Variants in DCLK2 observed in about 807,000 individuals in gnomAD.
DCLK2 encodes the protein serine/threonine-protein kinase DCLK2.
In DCLK2, 31 loss-of-function variants were observed where a neutral mutation model predicts 78.4. The ratio of observed to expected loss-of-function variants is 0.40; its 90% CI spans 0.30 to 0.53. DCLK2 has a LOEUF of 0.53. Among genes scored for constraint, DCLK2 ranks in the 20% least tolerant of loss-of-function variants. The pLI, the probability that DCLK2 is intolerant of heterozygous loss-of-function variation, is 0.61. For synonymous variants in DCLK2, 407 were observed against 374.9 expected (o/e 1.09, Z -0.99); for missense variants, 872 against 973.7 (o/e 0.90, Z 1.39).
At chr4:150,220,938 G>T (rs971724739) in intron 6 of DCLK2, among the ~76,000 whole-genome samples, 160 bp downstream of exon 6, 3 of 152,300 alleles carry the variant, frequency 2.0e-5, no homozygotes, top group African/African-American at 7.2e-5. Flanking sequence ...GGGGATGGGG[G>T]TTACTTCAAG....
At chr4:150,122,312 T>A (rs761172136) in intron 2 of DCLK2, among the ~76,000 whole-genome samples, 13 of 152,230 alleles carry the variant, frequency 8.5e-5, no homozygotes, top group Non-Finnish European at 1.8e-4. Context: ...CACACCTATG[T>A]TTATTGCAGC....
chr4:150,148,690 A>G (rs1288652534), intron 2 of DCLK2, among the ~76,000 whole-genome samples: 2 of 152,038 alleles, frequency 1.3e-5, no homozygotes, highest in Non-Finnish European at 2.9e-5. Flanking sequence ...CCTATCTTGT[A>G]TGACCTACAT....
chr4:150,151,936 AT>A (rs924985802), intron 2 of DCLK2, among the ~76,000 whole-genome samples: 1 of 149,868 alleles, frequency 6.7e-6, no homozygotes, highest in African/African-American at 2.5e-5. Context: ...AAAAAAAAAA[AT>A]AATAATAATT....
chr4:150,187,367 G>A (rs1348033132), intron 2 of DCLK2, among the ~76,000 whole-genome samples: 1 of 152,136 alleles, frequency 6.6e-6, no homozygotes, highest in Non-Finnish European at 1.5e-5. Context: ...CTGGTAGACT[G>A]TGTTCTTTAA....
At chr4:150,216,817 G>C (rs968950101) in intron 5 of DCLK2, among the ~76,000 whole-genome samples, 7 of 152,066 alleles carry the variant, frequency 4.6e-5, no homozygotes, top group Non-Finnish European at 1.0e-4. Flanking sequence ...CCTTGGCCAA[G>C]CAGAATCAGG....
intron 15 of DCLK2, among the ~76,000 whole-genome samples, chr4:150,250,626 C>A (rs1743708342): frequency 1.3e-5 from 2 of 151,758 alleles, no homozygotes; most frequent in Non-Finnish European, 2.9e-5. Flanking sequence ...ACATCTGGGC[C>A]CCCCGTGACC....
chr4:150,185,128 A>T (rs1261956583), intron 2 of DCLK2, among the ~76,000 whole-genome samples: 1 of 152,218 alleles, frequency 6.6e-6, no homozygotes. Context: ...ACGGTTCAGC[A>T]TGGCTGGGGA....
intron 1 of DCLK2, among the ~76,000 whole-genome samples, chr4:150,102,255 A>G (rs1471851731): frequency 6.6e-6 from 1 of 152,202 alleles, no homozygotes; most frequent in Non-Finnish European, 1.5e-5. Flanking sequence ...TATTTGGTCC[A>G]GTGCTTCTCA....
intron 4 of DCLK2, chr4:150,199,222 T>C: frequency 1.3e-6 from 1 of 743,280 alleles, no homozygotes; most frequent in Non-Finnish European, 2.3e-6. Context: ...ATGCTTTGCA[T>C]TGCACAAGAC....
At chr4:150,203,768 C>G (rs749973248) in intron 4 of DCLK2, 27 bp from the exon 5 acceptor site, 2 of 1,580,674 alleles carry the variant, frequency 1.3e-6, no homozygotes, top group Non-Finnish European at 8.7e-7. Flanking sequence ...AATGGGACTT[C>G]TGTCTTCTTT....
chr4:150,233,370 G>A (rs751810721), intron 10 of DCLK2, among the ~76,000 whole-genome samples: 13 of 152,160 alleles, frequency 8.5e-5, no homozygotes, highest in Admixed American at 4.6e-4. Context: ...TTTGGGTGGG[G>A]ACACAGAGCC....
intron 2 of DCLK2, among the ~76,000 whole-genome samples, chr4:150,190,923 C>G (rs368105893): frequency 1.2e-4 from 19 of 152,106 alleles, no homozygotes; most frequent in African/African-American, 4.3e-4. Context: ...GAGACCCCAT[C>G]TCTACCTACT....
intron 2 of DCLK2, among the ~76,000 whole-genome samples, chr4:150,149,963 C>A (rs1428090868): frequency 6.6e-6 from 1 of 152,098 alleles, no homozygotes; most frequent in Non-Finnish European, 1.5e-5. Context: ...AAATGAATGT[C>A]TTTTTGCTTT....
chr4:150,127,409 C>T (rs942034666), intron 2 of DCLK2, among the ~76,000 whole-genome samples: 1 of 152,118 alleles, frequency 6.6e-6, no homozygotes, highest in Non-Finnish European at 1.5e-5. Context: ...TATTTACTTA[C>T]TTATTCAATT....
chr4:150,204,630 G>A (rs1052227944), intron 5 of DCLK2, among the ~76,000 whole-genome samples: 2 of 152,254 alleles, frequency 1.3e-5, no homozygotes, highest in East Asian at 1.9e-4. Flanking sequence ...GATGGCTCAC[G>A]CCTGTAATCC....
At chr4:150,208,887 T>C (rs1740075640) in intron 5 of DCLK2, among the ~76,000 whole-genome samples, 1 of 152,096 alleles carries the variant, frequency 6.6e-6, no homozygotes, top group African/African-American at 2.4e-5. Flanking sequence ...TGGAGCTGAG[T>C]ATTGTCAAGA....
rs190897415 is a variant in DCLK2 at position 150,110,119 on chromosome 4, A to G, written c.756+7307A>G. Among the ~76,000 whole-genome samples, 117 of 152,324 alleles carry G rather than the reference A, an allele frequency of 7.7e-4. 2 individuals are homozygous for G. The East Asian group carries it at 0.019, about 24-fold the overall frequency. ...TCCTGTCAGTTGCAAATTAGAAGAG[A>G]TATTTAGGAGAAACAATTTTAGCTT... On this transcript the variant is annotated intron_variant, in intron 2 of 15. Coordinates refer to ENST00000296550, the MANE Select transcript of DCLK2 (RefSeq NM_001040260.4).
At chr4:150,214,983 G>A (rs924749495) in intron 5 of DCLK2, among the ~76,000 whole-genome samples, 3 of 148,434 alleles carry the variant, frequency 2.0e-5, no homozygotes, top group Non-Finnish European at 4.5e-5. Flanking sequence ...GAAAGAAAAT[G>A]TTTCTGACTT....
intron 2 of DCLK2, among the ~76,000 whole-genome samples, chr4:150,157,755 C>T (rs900575524): frequency 2.2e-4 from 33 of 152,052 alleles, no homozygotes; most frequent in African/African-American, 8.0e-4. Context: ...TCAAGTGATC[C>T]GCCTGCCATG....
Sources: gnomAD v4.1 joint callset for allele counts (sites outside exome capture counted in the v4.1 genomes callset) on GRCh38, gnomAD v4.1.1 for gene constraint, MANE v1.5 for transcripts, NCBI Gene and HGNC (gene_info 2026-07-23, HGNC 2026-07-21) for gene names.